Variants in KIDINS220 observed in about 807,000 individuals in gnomAD.
KIDINS220 encodes kinase D-interacting substrate of 220 kDa.
A neutral mutation model predicts 157.6 loss-of-function variants in KIDINS220; 63 were observed. That is an observed-to-expected ratio of 0.40 (90% CI 0.33 to 0.49). The LOEUF (loss-of-function observed/expected upper bound fraction) is 0.49. Among genes scored for constraint, KIDINS220 ranks in the 20% least tolerant of loss-of-function variants. KIDINS220 has a pLI of 0.66. For missense variants in KIDINS220, 1,772 were observed against 2,171.2 expected (o/e 0.82, Z 3.65); for synonymous variants, 732 against 783.6 (o/e 0.93, Z 1.10).
intron 21 of KIDINS220, among the ~76,000 whole-genome samples, chr2:8,775,998 T>C (rs1670913140): frequency 1.3e-5 from 2 of 152,178 alleles, no homozygotes; most frequent in South Asian, 4.1e-4. Context: ...AATGAATACA[T>C]ATATGTTGAT....
chr2:8,777,041 G>T, intron 20 of KIDINS220, 149 bp from the exon 21 acceptor site: 1 of 784,998 alleles, frequency 1.3e-6, no homozygotes. Flanking sequence ...ATTATTATCT[G>T]TGAGGTAGAA....
intron 9 of KIDINS220, 181 bp downstream of exon 9, chr2:8,800,219 G>A (rs1038933658): frequency 1.1e-5 from 5 of 473,378 alleles, no homozygotes; most frequent in Non-Finnish European, 7.4e-6. Flanking sequence ...CATTTAACTC[G>A]ACATTAATAT....
intron 26 of KIDINS220, among the ~76,000 whole-genome samples, chr2:8,744,051 T>G (rs1012597379): frequency 3.4e-5 from 5 of 147,956 alleles, no homozygotes; most frequent in African/African-American, 1.2e-4. Flanking sequence ...AGGATTTGTT[T>G]TATTAATATA....
At chr2:8,816,100 C>G (rs181697414) in intron 4 of KIDINS220, among the ~76,000 whole-genome samples, 95 of 152,080 alleles carry the variant, frequency 6.2e-4, no homozygotes, top group African/African-American at 2.2e-3. Context: ...TGTTTTAAAG[C>G]CAAAATAAAG....
At chr2:8,756,603 G>A (rs1304004031) in intron 22 of KIDINS220, among the ~76,000 whole-genome samples, 1 of 152,176 alleles carries the variant, frequency 6.6e-6, no homozygotes, top group Non-Finnish European at 1.5e-5. Flanking sequence ...AGATCAAAGT[G>A]CCAGATGGTC....
At chr2:8,726,586 G>A (rs1663340516), downstream of KIDINS220, among the ~76,000 whole-genome samples, 1 of 152,142 alleles carries the variant, frequency 6.6e-6, no homozygotes, top group Admixed American at 6.5e-5. Context: ...GCTGTTGGAC[G>A]ATTTTGTCGT....
At chr2:8,753,319 T>C (rs1572506916) in intron 22 of KIDINS220, among the ~76,000 whole-genome samples, 2 of 152,338 alleles carry the variant, frequency 1.3e-5, no homozygotes, top group South Asian at 4.1e-4. Context: ...ATGTTTTCAT[T>C]TGTATAAAAC....
chr2:8,760,155 T>C (rs1423630186), intron 22 of KIDINS220, among the ~76,000 whole-genome samples: 2 of 152,242 alleles, frequency 1.3e-5, no homozygotes, highest in Non-Finnish European at 1.5e-5. Context: ...TTTTAACAAA[T>C]TGAAGAAGAT....
chr2:8,834,274 G>C (rs1680071936), intron 1 of KIDINS220, among the ~76,000 whole-genome samples: 2 of 151,814 alleles, frequency 1.3e-5, no homozygotes, highest in South Asian at 2.1e-4. Context: ...CAAAATCCCA[G>C]ATCCCTACCA....
At chr2:8,820,845 G>A (rs1023302562) in intron 2 of KIDINS220, among the ~76,000 whole-genome samples, 1 of 152,084 alleles carries the variant, frequency 6.6e-6, no homozygotes, top group African/African-American at 2.4e-5. Context: ...TGCCACGCAC[G>A]CCTCTGTCCG....
Position 8,809,930 on chromosome 2 carries a change from A to G in KIDINS220, c.504+2465T>C, listed in dbSNP as rs147466899. On this transcript the variant is annotated intron_variant, in intron 6 of 29. Coordinates refer to ENST00000256707, the MANE Select transcript of KIDINS220 (RefSeq NM_020738.4). ...GGCCAGATGTCCAAGCTCCTCAGCC[A>G]AGTATCCAAGACTCACCCAAAGGTA... is the stretch of plus-strand genomic sequence containing the variant. Among the ~76,000 whole-genome samples the G allele has an allele frequency of 1.6e-4, 25 of 152,196 alleles. 1 individual carries two copies. In the East Asian group the frequency reaches 3.1e-3, roughly 19 times the overall value.
chr2:8,774,646 T>A (rs1670720035), intron 21 of KIDINS220, among the ~76,000 whole-genome samples: 1 of 152,182 alleles, frequency 6.6e-6, no homozygotes, highest in South Asian at 2.1e-4. Context: ...AGGAGCCTTT[T>A]GATGGGAGCA....
chr2:8,763,098 A>C (rs1448205502), intron 22 of KIDINS220, among the ~76,000 whole-genome samples: 1 of 152,220 alleles, frequency 6.6e-6, no homozygotes, highest in African/African-American at 2.4e-5. Flanking sequence ...TATATCAATG[A>C]AAAGTTAAAA....
rs759435862 is a variant in KIDINS220 at position 8,776,852 on chromosome 2, C to A, written c.2744G>T (p.Arg915Leu). The A allele has an allele frequency of 3.7e-6, 6 of 1,613,826 alleles. No individual in the cohort carries two copies. In the Admixed American group the frequency reaches 1.0e-4, roughly 27 times the overall value. Residue 915 changes from arginine to leucine, a missense_variant, in exon 21 of 30, where the codon CGC becomes CTC. Arg to Leu is a moderately radical substitution (Grantham distance 102). Transcript: ENST00000256707. ...RRRQMQRTIT[R>L]QMSFDLTKLL... ...TTTTGTAAGATCAAAGGACATCTGG[C>A]GAGTGATGGTCCTCTGCATCTGCCT...
chr2:8,758,160 G>A (rs1668282288), intron 22 of KIDINS220, among the ~76,000 whole-genome samples: 1 of 152,198 alleles, frequency 6.6e-6, no homozygotes, highest in South Asian at 2.1e-4. Flanking sequence ...ACTGCGCCCA[G>A]CCCTGTATGG....
intron 4 of KIDINS220, among the ~76,000 whole-genome samples, chr2:8,815,558 C>T (rs1303176766): frequency 6.6e-6 from 1 of 151,966 alleles, no homozygotes; most frequent in African/African-American, 2.4e-5. Flanking sequence ...AATCCCAGCT[C>T]CTCGGGAGGC....
Position 8,778,930 on chromosome 2 carries a change from T to C in KIDINS220, c.2580A>G (p.Ala860=). 1 of 1,614,222 alleles carries C rather than the reference T, an allele frequency of 6.2e-7. No individual in the cohort carries two copies. The highest frequency in any genetic ancestry group is 8.5e-7 in the Non-Finnish European group (1 of 1,180,028). Reference sequence around the variant, plus strand: ...CTGAGCATGGAACGTCTCCATTTGTTGCTGAAGTTACGAGAAATTTTCTTG... The same window carrying C: ...CTGAGCATGGAACGTCTCCATTTGTCGCTGAAGTTACGAGAAATTTTCTTG... The part of the protein sequence containing the change: ...SNARKFLVTS[A]TNGDVPCSDT... Residue 860 remains alanine (A), a synonymous_variant, in exon 19 of 30, where the codon GCA becomes GCG. Coordinates refer to ENST00000256707, the MANE Select transcript of KIDINS220 (RefSeq NM_020738.4).
intron 18 of KIDINS220, 60 bp from the exon 19 acceptor site, chr2:8,779,199 C>T (rs1671369140): frequency 1.3e-6 from 2 of 1,566,760 alleles, no homozygotes; most frequent in African/African-American, 1.4e-5. Flanking sequence ...AAGAATAAGG[C>T]ATCTCTTCAA....
intron 22 of KIDINS220, among the ~76,000 whole-genome samples, chr2:8,766,276 GCC>G (rs1669479396): frequency 6.6e-6 from 1 of 152,028 alleles, no homozygotes; most frequent in South Asian, 2.1e-4. Flanking sequence ...GTGCTCTCTG[GCC>G]CGGAACTGTT....
Sources: allele counts gnomAD v4.1 joint callset (sites outside exome capture counted in the v4.1 genomes callset), GRCh38; gene constraint gnomAD v4.1.1; transcripts MANE v1.5; gene names NCBI Gene and HGNC (gene_info 2026-07-23, HGNC 2026-07-21).